Variants in PARP16 observed in about 807,000 individuals in gnomAD.
The protein encoded by PARP16 is protein mono-ADP-ribosyltransferase PARP16.
Under a neutral mutation model 35.0 loss-of-function variants are expected in PARP16, and 31 were observed. That is an observed-to-expected ratio of 0.88 (90% CI 0.66 to 1.19). The LOEUF (loss-of-function observed/expected upper bound fraction) is 1.19, where lower values mean the gene tolerates loss of function less well. Among genes scored for constraint, PARP16 ranks in the 50% most tolerant of loss-of-function variants. The probability of loss-of-function intolerance (pLI) is 0.00; values close to 1 mark genes in which losing one functional copy is unlikely to be tolerated. For synonymous variants in PARP16, 162 were observed against 169.5 expected (o/e 0.96, Z 0.34); for missense variants, 424 against 411.2 (o/e 1.03, Z -0.27).
intron 2 of PARP16, 97 bp downstream of exon 2, chr15:65,270,838 C>T: frequency 1.7e-6 from 2 of 1,205,134 alleles, no homozygotes; most frequent in Non-Finnish European, 2.4e-6. Context: ...CTGCCCAGGT[C>T]ACTGGTACAC....
At chr15:65,268,450 CTGT>C (rs1262617557) in intron 2 of PARP16, among the ~76,000 whole-genome samples, 5 of 152,116 alleles carry the variant, frequency 3.3e-5, no homozygotes, top group Non-Finnish European at 7.4e-5. Flanking sequence ...GCATTTGTTG[CTGT>C]TGTTGTTTTT....
chr15:65,251,887 C>T (rs538116247), intron 2 of PARP16, among the ~76,000 whole-genome samples: 14 of 152,220 alleles, frequency 9.2e-5, no homozygotes, highest in African/African-American at 3.1e-4. Context: ...GCCTCAGCCT[C>T]CCGAGTAGCT....
intron 3 of PARP16, among the ~76,000 whole-genome samples, chr15:65,234,994 C>CA (rs1047835059): frequency 6.0e-5 from 9 of 150,834 alleles, no homozygotes; most frequent in South Asian, 2.1e-4. Context: ...ACTAAAAATA[C>CA]AAAAAAAAGG....
intron 1 of PARP16, among the ~76,000 whole-genome samples, chr15:65,276,498 A>T (rs2090259822): frequency 6.6e-6 from 1 of 152,064 alleles, no homozygotes; most frequent in South Asian, 2.1e-4. Flanking sequence ...CTCAGCCTCC[A>T]GAGTAGCTGG....
intron 2 of PARP16, among the ~76,000 whole-genome samples, chr15:65,267,633 A>T (rs199880166): frequency 7.8e-4 from 43 of 55,204 alleles, no homozygotes; most frequent in East Asian, 0.02. Flanking sequence ...AATTAATTAA[A>T]TAATAATTAA....
intron 1 of PARP16, among the ~76,000 whole-genome samples, chr15:65,276,400 G>T (rs758524753): frequency 2.0e-4 from 31 of 152,066 alleles, no homozygotes; most frequent in Non-Finnish European, 4.6e-4. Flanking sequence ...ACGGGATGGG[G>T]TCTCACTCTG....
chr15:65,265,144 C>A (rs1313960101), intron 3 of PARP16, among the ~76,000 whole-genome samples: 1 of 152,202 alleles, frequency 6.6e-6, no homozygotes, highest in African/African-American at 2.4e-5. Context: ...GCTGCAGCAG[C>A]CACAACTGAG....
At chr15:65,255,743 G>GAAAAAAAAAAAAAAAAA (rs56665485), downstream of PARP16, among the ~76,000 whole-genome samples, 10 of 57,134 alleles carry the variant, frequency 1.8e-4, no homozygotes, top group Admixed American at 5.4e-4. Context: ...AGAAAACTCA[G>GAAAAAAAAAAAAAAAAA]AAAAAAAAAA....
chr15:65,274,963 A>G (rs2090203270), intron 1 of PARP16, among the ~76,000 whole-genome samples: 1 of 152,070 alleles, frequency 6.6e-6, no homozygotes, highest in Non-Finnish European at 1.5e-5. Context: ...TAAAAATATA[A>G]AAGTTAGATG....
At chr15:65,274,577 TA>T (rs35324263) in intron 1 of PARP16, among the ~76,000 whole-genome samples, 87,423 of 140,044 alleles carry the variant, frequency 0.62, 30,333 homozygotes, top group East Asian at 0.99. Flanking sequence ...CTGTCTCGAA[TA>T]AAAAAAAAAA....
At chr15:65,269,176 T>TTTTCTTTCTTTTTC (rs2090007939) in intron 2 of PARP16, among the ~76,000 whole-genome samples, 1 of 146,054 alleles carries the variant, frequency 6.8e-6, no homozygotes, top group East Asian at 2.1e-4. Flanking sequence ...TAGTCGGTTT[T>TTTTCTTTCTTTTTC]TTTCTTTCTT....
chr15:65,240,796 G>C (rs140007142), intron 3 of PARP16, among the ~76,000 whole-genome samples: 1 of 152,106 alleles, frequency 6.6e-6, no homozygotes, highest in Admixed American at 6.6e-5. Flanking sequence ...TCATGTGGTA[G>C]GTGTATGTTT....
At chr15:65,236,640 C>T (rs1158055592) in intron 3 of PARP16, among the ~76,000 whole-genome samples, 1 of 152,192 alleles carries the variant, frequency 6.6e-6, no homozygotes, top group African/African-American at 2.4e-5. Flanking sequence ...CCCCTGGGCA[C>T]TGTAGGCTGG....
downstream of PARP16, among the ~76,000 whole-genome samples, chr15:65,232,351 C>A (rs1034089255): frequency 5.9e-5 from 9 of 152,136 alleles, 1 homozygote; most frequent in Non-Finnish European, 5.9e-5. Flanking sequence ...CTCACAAGAA[C>A]CAAATATTTT....
At chr15:65,265,379 A>G (rs1433628260) in intron 3 of PARP16, among the ~76,000 whole-genome samples, 1 of 152,204 alleles carries the variant, frequency 6.6e-6, no homozygotes, top group Non-Finnish European at 1.5e-5. Context: ...TTACAGATGA[A>G]GAACCTGAGG....
At chr15:65,272,620 T>C (rs1253885075) in intron 1 of PARP16, among the ~76,000 whole-genome samples, 2 of 152,196 alleles carry the variant, frequency 1.3e-5, no homozygotes, top group African/African-American at 4.8e-5. Flanking sequence ...CTCTCTCCTC[T>C]AAGCCCCTAA....
At chr15:65,281,806 T>C (rs983957623) in intron 1 of PARP16, among the ~76,000 whole-genome samples, 6 of 152,056 alleles carry the variant, frequency 3.9e-5, no homozygotes, top group Non-Finnish European at 8.8e-5. Context: ...AGATCAGACC[T>C]AAAGCCAAGA....
chr15:65,271,980 C>A (rs1023042172), intron 1 of PARP16, among the ~76,000 whole-genome samples: 27 of 152,328 alleles, frequency 1.8e-4, no homozygotes, highest in African/African-American at 5.5e-4. Context: ...CAGAGTGTGA[C>A]AATGTTTTGT....
At chr15:65,255,743 G>GAAAAAAAAAAA (rs56665485), downstream of PARP16, among the ~76,000 whole-genome samples, 5 of 57,154 alleles carry the variant, frequency 8.7e-5, no homozygotes, top group East Asian at 6.8e-4. Context: ...AGAAAACTCA[G>GAAAAAAAAAAA]AAAAAAAAAA....
Sources: allele counts gnomAD v4.1 joint callset (sites outside exome capture counted in the v4.1 genomes callset), GRCh38; gene constraint gnomAD v4.1.1; transcripts MANE v1.5; gene names NCBI Gene and HGNC (gene_info 2026-07-23, HGNC 2026-07-21).